The following SYTL2 variants were observed in gnomAD, a reference collection of about 807,000 sequenced individuals.
SYTL2 encodes the protein synaptotagmin-like protein 2.
SYTL2 carries 165 observed loss-of-function variants against 198.7 expected under a neutral mutation model. That is an observed-to-expected ratio of 0.83 (90% confidence interval 0.73 to 0.94). The LOEUF is 0.94. SYTL2 is among the 40% of genes least tolerant of loss of function. The probability of loss-of-function intolerance (pLI) is 0.00; values close to 1 mark genes in which losing one functional copy is unlikely to be tolerated. For missense variants in SYTL2, 2,835 were observed against 2,582.8 expected (o/e 1.10, Z -2.12); for synonymous variants, 966 against 917.7 (o/e 1.05, Z -0.95).
the SYTL2 span, among the ~76,000 whole-genome samples, chr11:85,842,090 C>T: frequency 1.3e-5 from 2 of 152,178 alleles, no homozygotes; most frequent in African/African-American, 4.8e-5. Flanking sequence ...ATGGTCTACA[C>T]CCTTACAGAG....
intron 1 of SYTL2, among the ~76,000 whole-genome samples, chr11:85,774,701 A>G (rs1397691549): frequency 6.6e-6 from 1 of 152,268 alleles, no homozygotes; most frequent in Non-Finnish European, 1.5e-5. Context: ...TTATAGCATC[A>G]GCAAATCTAT....
the SYTL2 span, among the ~76,000 whole-genome samples, chr11:85,840,453 T>C: frequency 6.6e-6 from 1 of 152,118 alleles, no homozygotes; most frequent in Non-Finnish European, 1.5e-5. Context: ...TGTCAAAAAA[T>C]ATCAGAGATC....
the SYTL2 span, among the ~76,000 whole-genome samples, chr11:85,848,295 A>G: frequency 1.3e-5 from 2 of 151,282 alleles, no homozygotes; most frequent in Non-Finnish European, 2.9e-5. Flanking sequence ...AACCCTCAAG[A>G]GCAGATATTT....
chr11:85,779,453 C>A (rs2092519462), intron 1 of SYTL2, among the ~76,000 whole-genome samples: 2 of 152,162 alleles, frequency 1.3e-5, no homozygotes, highest in Admixed American at 1.3e-4. Context: ...AAAAGAGGAA[C>A]TGGGTTCAGA....
the SYTL2 span, among the ~76,000 whole-genome samples, chr11:85,832,101 A>G: frequency 5.9e-5 from 9 of 152,320 alleles, no homozygotes; most frequent in Admixed American, 5.9e-4. Context: ...CTGAAATTGC[A>G]TATGTGCAAA....
At chr11:85,832,534 T>C in the SYTL2 span, among the ~76,000 whole-genome samples, 1 of 152,174 alleles carries the variant, frequency 6.6e-6, no homozygotes, top group Non-Finnish European at 1.5e-5. Flanking sequence ...GAAATATAAC[T>C]ACACAAATAA....
chr11:85,797,782 CATCT>C (rs894859245), intron 1 of SYTL2, among the ~76,000 whole-genome samples: 10 of 152,138 alleles, frequency 6.6e-5, no homozygotes, highest in African/African-American at 2.4e-4. Context: ...CCTGGCCACT[CATCT>C]ATCTCATACC....
At chr11:85,749,973 C>T (rs1410978065) in intron 2 of SYTL2, among the ~76,000 whole-genome samples, 2 of 152,102 alleles carry the variant, frequency 1.3e-5, no homozygotes, top group African/African-American at 4.8e-5. Flanking sequence ...TCCTGACCAC[C>T]TAAAAAGGCT....
At chr11:85,695,468 T>C (rs1028845644) in intron 19 of SYTL2, 128 bp from the exon 20 acceptor site, 9 of 636,986 alleles carry the variant, frequency 1.4e-5, no homozygotes, top group Non-Finnish European at 2.3e-5. Context: ...GGAGGGCAGA[T>C]GTGAGACTCA....
At chr11:85,849,306 T>C in the SYTL2 span, among the ~76,000 whole-genome samples, 3 of 152,224 alleles carry the variant, frequency 2.0e-5, no homozygotes, top group East Asian at 5.8e-4. Flanking sequence ...TAGATCCCAT[T>C]TGTCAATTTT....
chr11:85,695,903 T>C (rs1460830398), intron 19 of SYTL2, among the ~76,000 whole-genome samples: 1 of 152,206 alleles, frequency 6.6e-6, no homozygotes, highest in East Asian at 1.9e-4. Flanking sequence ...ACCATAAATG[T>C]TTTTGCAGGG....
chr11:85,754,610 A>T (rs1160809526), intron 2 of SYTL2, among the ~76,000 whole-genome samples: 1 of 152,214 alleles, frequency 6.6e-6, no homozygotes, highest in African/African-American at 2.4e-5. Flanking sequence ...TGTATCCTTT[A>T]TCAAATCTCT....
chr11:85,748,897 G>T (rs2091335435), intron 2 of SYTL2, among the ~76,000 whole-genome samples: 1 of 152,200 alleles, frequency 6.6e-6, no homozygotes. Flanking sequence ...ATAAACACTG[G>T]ATGGGGTAGT....
chr11:85,705,095 A>G (rs2084921031), intron 15 of SYTL2, 67 bp from the exon 16 acceptor site: 2 of 1,297,098 alleles, frequency 1.5e-6, no homozygotes, highest in Non-Finnish European at 2.2e-6. Context: ...TAACACAGAG[A>G]TGAAGAGAAA....
At chr11:85,735,587 T>C (rs958814321) in intron 6 of SYTL2, among the ~76,000 whole-genome samples, 4 of 152,100 alleles carry the variant, frequency 2.6e-5, no homozygotes, top group African/African-American at 9.7e-5. Flanking sequence ...TGAAACCTCA[T>C]TTCTACTAAA....
chr11:85,701,188 A>G (rs1401594232), intron 16 of SYTL2, among the ~76,000 whole-genome samples: 1 of 152,190 alleles, frequency 6.6e-6, no homozygotes, highest in East Asian at 1.9e-4. Context: ...AAAGTTTCAG[A>G]TTTCGGATTT....
intron 1 of SYTL2, among the ~76,000 whole-genome samples, chr11:85,788,466 T>C (rs1053668722): frequency 3.3e-5 from 5 of 152,170 alleles, no homozygotes; most frequent in African/African-American, 1.2e-4. Context: ...GTTGAACCAA[T>C]TGCTTATAAA....
At chr11:85,745,866 G>T in intron 3 of SYTL2, 94 bp from the exon 4 acceptor site, 1 of 1,339,748 alleles carries the variant, frequency 7.5e-7, no homozygotes, top group Non-Finnish European at 1.0e-6. Flanking sequence ...CCTTGAACCT[G>T]AACCTCAGGC....
chr11:85,703,992 G>A (rs1417350613), intron 16 of SYTL2, among the ~76,000 whole-genome samples: 1 of 151,942 alleles, frequency 6.6e-6, no homozygotes, highest in African/African-American at 2.4e-5. Flanking sequence ...TAATCCCAAA[G>A]GAGGCAATTA....
Sources: gnomAD v4.1 joint callset for allele counts (sites outside exome capture counted in the v4.1 genomes callset) on GRCh38, gnomAD v4.1.1 for gene constraint, MANE v1.5 for transcripts, NCBI Gene and HGNC (gene_info 2026-07-23, HGNC 2026-07-21) for gene names.